PCYT1B: variants seen among roughly 807,000 people sequenced by gnomAD.
The protein encoded by PCYT1B is phosphate cytidylyltransferase 1B, choline.
In PCYT1B, 10 loss-of-function variants were observed where a neutral mutation model predicts 26.4. The observed-to-expected ratio is 0.38, with a 90% CI of 0.23 to 0.64. The LOEUF is 0.64. Ranked by LOEUF, PCYT1B falls within the 30% of genes least tolerant of loss-of-function variation. The probability of loss-of-function intolerance (pLI) is 0.56; values close to 1 mark genes in which losing one functional copy is unlikely to be tolerated. For synonymous variants in PCYT1B, 131 were observed against 108.4 expected (o/e 1.21, Z -1.29); for missense variants, 161 against 292.7 (o/e 0.55, Z 3.28).
chrX:24,617,371 G>GTTTTTTT (rs201674610), intron 2 of PCYT1B, among the ~76,000 whole-genome samples: 1 of 80,364 alleles, frequency 1.2e-5, no homozygotes, highest in Non-Finnish European at 2.2e-5. Flanking sequence ...TGGTTTGTTT[G>GTTTTTTT]TTTTTTTTTT....
chrX:24,582,799 T>C (rs909805423), intron 5 of PCYT1B, among the ~76,000 whole-genome samples: 6 of 112,062 alleles, frequency 5.4e-5, no homozygotes, highest in Non-Finnish European at 7.5e-5. Flanking sequence ...AAATAAGCCA[T>C]GATTTGAGTA....
At chrX:24,616,903 T>C (rs1409282785) in intron 2 of PCYT1B, among the ~76,000 whole-genome samples, 9 of 112,219 alleles carry the variant, frequency 8.0e-5, no homozygotes, top group Non-Finnish European at 1.7e-4. Context: ...AAGCACAGTG[T>C]CATGGTTGAG....
intron 1 of PCYT1B, among the ~76,000 whole-genome samples, chrX:24,633,288 G>C (rs1926165573): frequency 9.3e-6 from 1 of 107,419 alleles, no homozygotes; most frequent in Admixed American, 1.0e-4. Context: ...AAATACTCAA[G>C]GTGATGGACA....
chrX:24,655,469 T>C (rs1926884641), intron 1 of PCYT1B, among the ~76,000 whole-genome samples: 1 of 112,309 alleles, frequency 8.9e-6, no homozygotes, highest in Non-Finnish European at 1.9e-5. Context: ...AATCTTGAAT[T>C]TACTAATGAC....
intron 3 of PCYT1B, among the ~76,000 whole-genome samples, chrX:24,601,464 G>A (rs1924959476): frequency 9.5e-6 from 1 of 104,840 alleles, no homozygotes; most frequent in Admixed American, 1.0e-4. Flanking sequence ...CTGCACTGCA[G>A]CCCGGGCAAC....
At chrX:24,617,371 G>GTTTTTTTTT (rs201674610) in intron 2 of PCYT1B, among the ~76,000 whole-genome samples, 77 of 80,102 alleles carry the variant, frequency 9.6e-4, no homozygotes, top group East Asian at 1.8e-3. Context: ...TGGTTTGTTT[G>GTTTTTTTTT]TTTTTTTTTT....
At chrX:24,566,463 G>A (rs993272105) in intron 7 of PCYT1B, among the ~76,000 whole-genome samples, 3 of 112,058 alleles carry the variant, frequency 2.7e-5, no homozygotes, top group African/African-American at 9.7e-5. Context: ...GTACATATAC[G>A]GAGATGGGAA....
intron 3 of PCYT1B, among the ~76,000 whole-genome samples, chrX:24,599,875 A>G (rs754084815): frequency 8.9e-6 from 1 of 111,732 alleles, no homozygotes; most frequent in East Asian, 2.8e-4. Flanking sequence ...CATTAAAGTG[A>G]TGGGGTAACA....
At chrX:24,622,347 A>G (rs1269731936) in intron 1 of PCYT1B, among the ~76,000 whole-genome samples, 2 of 112,075 alleles carry the variant, frequency 1.8e-5, no homozygotes, top group East Asian at 5.6e-4. Context: ...TACAATTAAA[A>G]AAAAACTCCT....
intron 1 of PCYT1B, among the ~76,000 whole-genome samples, chrX:24,670,048 A>AAAAGAAAGAAAGAAAGAAAG (rs756342863): frequency 1.0e-4 from 6 of 58,087 alleles, no homozygotes; most frequent in Non-Finnish European, 2.0e-4. Context: ...GTCTCAAAAA[A>AAAAGAAAGAAAGAAAGAAAG]AAAGAAAGAA....
intron 5 of PCYT1B, 131 bp from the exon 6 acceptor site, chrX:24,579,589 C>T: frequency 1.9e-6 from 1 of 526,430 alleles, no homozygotes; most frequent in East Asian, 3.5e-5. Flanking sequence ...TTACGTCTGG[C>T]CCCAAGTGAC....
At chrX:24,654,165 T>TGCAATCTCG (rs1308795394) in intron 1 of PCYT1B, among the ~76,000 whole-genome samples, 1 of 84,201 alleles carries the variant, frequency 1.2e-5, no homozygotes, top group Non-Finnish European at 2.3e-5. Context: ...TGCAGTGTGG[T>TGCAATCTCG]GCAATCTCGG....
intron 3 of PCYT1B, among the ~76,000 whole-genome samples, chrX:24,595,447 C>CCTTCTAGTAATTT (rs1443922421): frequency 9.0e-6 from 1 of 110,650 alleles, no homozygotes; most frequent in Non-Finnish European, 1.9e-5. Context: ...GAATCTGCTC[C>CCTTCTAGTAATTT]CTTCTAGTAA....
At chrX:24,612,673 T>G in intron 2 of PCYT1B, among the ~76,000 whole-genome samples, 1 of 112,311 alleles carries the variant, frequency 8.9e-6, no homozygotes, top group Non-Finnish European at 1.9e-5. Context: ...GCAACTGGAA[T>G]GCTCATAAAC....
intron 7 of PCYT1B, among the ~76,000 whole-genome samples, chrX:24,569,120 C>CT (rs1923734309): frequency 1.8e-5 from 2 of 110,848 alleles, no homozygotes; most frequent in Admixed American, 9.6e-5. Context: ...CAACAACAAT[C>CT]TTTTTTTAAA....
intron 3 of PCYT1B, among the ~76,000 whole-genome samples, chrX:24,592,517 C>CA (rs1924602622): frequency 9.0e-6 from 1 of 111,434 alleles, no homozygotes; most frequent in East Asian, 2.8e-4. Flanking sequence ...CTCCCATCCC[C>CA]ACCCCTTCAT....
chrX:24,574,902 C>T (rs965022676), intron 7 of PCYT1B, among the ~76,000 whole-genome samples: 1 of 112,150 alleles, frequency 8.9e-6, no homozygotes, highest in Non-Finnish European at 1.9e-5. Flanking sequence ...TGGATAAGAA[C>T]TAGAAACTGA....
chrX:24,569,365 C>G (rs1923744775), intron 7 of PCYT1B, among the ~76,000 whole-genome samples: 1 of 110,619 alleles, frequency 9.0e-6, no homozygotes, highest in African/African-American at 3.3e-5. Context: ...AACTGTGCGG[C>G]CACTATGGAA....
intron 1 of PCYT1B, among the ~76,000 whole-genome samples, chrX:24,668,252 A>T (rs1336500138): frequency 9.0e-6 from 1 of 111,654 alleles, no homozygotes; most frequent in African/African-American, 3.3e-5. Flanking sequence ...CTTCTGAAGG[A>T]GCTGAAAGAT....
Sources: gnomAD v4.1 joint callset for allele counts (sites outside exome capture counted in the v4.1 genomes callset) on GRCh38, gnomAD v4.1.1 for gene constraint, MANE v1.5 for transcripts, NCBI Gene and HGNC (gene_info 2026-07-23, HGNC 2026-07-21) for gene names.